Variants in TMTC1 observed in about 807,000 individuals in gnomAD.
TMTC1 encodes the protein protein O-mannosyl-transferase TMTC1.
TMTC1 carries 73 observed loss-of-function variants against 104.8 expected under a neutral mutation model. The ratio of observed to expected loss-of-function variants is 0.70; its 90% CI spans 0.58 to 0.85. TMTC1 has a LOEUF of 0.85. TMTC1 is among the 40% of genes least tolerant of loss of function. TMTC1 has a pLI of 0.00. For synonymous variants in TMTC1, 434 were observed against 428.7 expected (o/e 1.01, Z -0.15); for missense variants, 1,035 against 1,096.1 (o/e 0.94, Z 0.79).
At chr12:29,776,715 G>A (rs1300276111) in intron 1 of TMTC1, among the ~76,000 whole-genome samples, 1 of 109,112 alleles carries the variant, frequency 9.2e-6, no homozygotes, top group Non-Finnish European at 2.0e-5. Context: ...GCAGGGTAAG[G>A]AAATAAGGGT....
In TMTC1 at chr12:29,648,889, G is replaced by T. The variant is rs184082431; in HGVS notation, c.939-15553C>A. Among the ~76,000 whole-genome samples, 88 of 151,638 alleles carry T rather than the reference G, an allele frequency of 5.8e-4. 1 individual carries two copies. Among genetic ancestry groups the T allele is most frequent in the African/African-American group, 1.8e-3 (76 of 41,326 alleles). On this transcript the variant is annotated intron_variant, in intron 5 of 17. Coordinates refer to ENST00000539277, the MANE Select transcript of TMTC1 (RefSeq NM_001193451.2). ...TTTTCTTACTAAGTCTTCTAAATGC[G>T]GTGTGCCTTTACACTTCCAGCACAT...
chr12:29,518,534 C>T lies in TMTC1; in HGVS notation c.1962G>A (p.Val654=). The change falls in exon 13 of 18, where the codon GTG becomes GTA. Residue 654 remains valine (V), a synonymous_variant. Coordinates refer to ENST00000539277, the MANE Select transcript of TMTC1 (RefSeq NM_001193451.2). ...GTGACCTGTAGAGTCTTCCCAAGTTCACCATGGCCACGTGATGACTGGGGC... is the reference window on the plus strand; with the variant it reads ...GTGACCTGTAGAGTCTTCCCAAGTTTACCATGGCCACGTGATGACTGGGGC... ...KLSPSHHVAM[V]NLGRLYRSLG... The T allele has an allele frequency of 1.9e-6, 3 of 1,614,142 alleles. No homozygotes were observed. Among genetic ancestry groups the T allele is most frequent in the Non-Finnish European group, 1.7e-6 (2 of 1,179,986 alleles).
intron 7 of TMTC1, among the ~76,000 whole-genome samples, chr12:29,600,562 T>G (rs558751961): frequency 1.7e-4 from 26 of 152,324 alleles, no homozygotes; most frequent in Admixed American, 3.9e-4. Context: ...CAATAATGAC[T>G]GTGAAGAAAG....
chr12:29,762,093 T>G (rs1943364627), intron 2 of TMTC1, among the ~76,000 whole-genome samples: 1 of 152,082 alleles, frequency 6.6e-6, no homozygotes, highest in South Asian at 2.1e-4. Flanking sequence ...GTGAGTGGAT[T>G]GCTTGAGCCC....
chr12:29,667,431 C>A (rs2033027), intron 5 of TMTC1, among the ~76,000 whole-genome samples: 84,394 of 152,028 alleles, frequency 0.56, 23,637 homozygotes, highest in African/African-American at 0.63. Flanking sequence ...CAAGTTACTT[C>A]CAAGGAAACA....
intron 5 of TMTC1, among the ~76,000 whole-genome samples, chr12:29,639,632 C>T (rs536617695): frequency 6.6e-6 from 1 of 152,260 alleles, no homozygotes; most frequent in South Asian, 2.1e-4. Context: ...TAAGCAATTC[C>T]ACCCAACAGC....
In TMTC1 at chr12:29,501,288, T is replaced by G. The variant is rs906538048; in HGVS notation, c.*5558A>C. The G allele has an allele frequency of 6.6e-6, 1 of 152,216 alleles. No homozygotes were observed. Among genetic ancestry groups the G allele is most frequent in the Non-Finnish European group, 1.5e-5 (1 of 68,030 alleles). 9.4% of individuals were successfully genotyped at this position (152,216 alleles called of 1,614,324 possible). A position where few individuals can be genotyped will look rare whatever the true frequency, so the allele number is the denominator to read the frequency against. The stretch of plus-strand genomic sequence containing the variant: ...AAGCACTTGGGCAATTCAGTCACTT[T>G]TAGGGTTGTATCATTTAAAAAAGGG... On this transcript the variant is annotated 3_prime_UTR_variant, in exon 18 of 18. Transcript: ENST00000539277.
At chr12:29,508,699 G>A (rs944972457) in intron 17 of TMTC1, among the ~76,000 whole-genome samples, 5 of 151,876 alleles carry the variant, frequency 3.3e-5, no homozygotes, top group South Asian at 4.2e-4. Flanking sequence ...TCAGCCTCCC[G>A]AGTAGCTGGG....
At chr12:29,765,421 T>C (rs1339485379) in intron 2 of TMTC1, among the ~76,000 whole-genome samples, 2 of 152,098 alleles carry the variant, frequency 1.3e-5, no homozygotes, top group Non-Finnish European at 2.9e-5. Context: ...CTTCATACCC[T>C]TTCTCCTTGA....
chr12:29,660,263 C>T (rs1004863237), intron 5 of TMTC1, among the ~76,000 whole-genome samples: 2 of 152,184 alleles, frequency 1.3e-5, no homozygotes, highest in Non-Finnish European at 2.9e-5. Context: ...GGAAAAAGAA[C>T]TAACAGGGAG....
Position 29,765,676 on chromosome 12 carries a change from TA to T in TMTC1, c.480+2221del, listed in dbSNP as rs567673281. Among the ~76,000 whole-genome samples the T allele has an allele frequency of 2.6e-5, 4 of 152,148 alleles. No individual in the cohort carries two copies. The South Asian group carries it at 8.3e-4, about 32-fold the overall frequency. On this transcript the variant is annotated intron_variant, in intron 2 of 17. Transcript: ENST00000539277. ...GAAAATGATAAATAATTAATAAATA[TA>T]AAAAATCACCTCTTAATAATCTAGG...
intron 5 of TMTC1, among the ~76,000 whole-genome samples, chr12:29,723,226 A>G (rs557347444): frequency 2.8e-4 from 43 of 152,262 alleles, no homozygotes; most frequent in African/African-American, 9.6e-4. Flanking sequence ...ATTAATGTCA[A>G]TTCTCCCAAC....
At chr12:29,647,431 A>G (rs573725565) in intron 5 of TMTC1, among the ~76,000 whole-genome samples, 1 of 152,288 alleles carries the variant, frequency 6.6e-6, no homozygotes, top group Non-Finnish European at 1.5e-5. Flanking sequence ...CACACAATAT[A>G]TTATTTTACA....
chr12:29,698,941 T>G (rs1403015091), intron 5 of TMTC1, among the ~76,000 whole-genome samples: 1 of 152,246 alleles, frequency 6.6e-6, no homozygotes, highest in African/African-American at 2.4e-5. Flanking sequence ...TTCAGGAAAC[T>G]CCTGCTGCTT....
At chr12:29,664,745 C>CTAAAGG (rs1940209389) in intron 5 of TMTC1, among the ~76,000 whole-genome samples, 1 of 152,166 alleles carries the variant, frequency 6.6e-6, no homozygotes, top group African/African-American at 2.4e-5. Flanking sequence ...ACTATGACAT[C>CTAAAGG]AGATTCTCTC....
In TMTC1 at chr12:29,783,598, C is replaced by G. The variant is rs1943888705; in HGVS notation, c.154G>C (p.Asp52His). 6.8e-7 allele frequency: 1 copy of G among 1,477,686 alleles called. No homozygotes were observed. The highest frequency in any genetic ancestry group is 8.9e-7 in the Non-Finnish European group (1 of 1,118,122). The allele number at this position is 1,477,686 out of a possible 1,614,324, so 91.5% of individuals were successfully genotyped here. The change falls in exon 1 of 18, where the codon GAC (aspartate) becomes CAC (histidine). Residue 52 changes from aspartate to histidine, a missense_variant. Asp to His is a moderately conservative substitution (Grantham distance 81). Transcript: ENST00000539277. This position sits in a 1 kb window ranked among gnomAD's most constrained non-coding sequence, Gnocchi z 4.7. The stretch of plus-strand genomic sequence containing the variant: ...TTGTTCACGATCGCCCACACGTCGT[C>G]GTGCACGAACTCGCCCTGCAGGGAG... ...GRSLQGEFVH[D>H]DVWAIVNNPD...
At chr12:29,634,007 C>A (rs1475576245) in intron 5 of TMTC1, among the ~76,000 whole-genome samples, 1 of 152,196 alleles carries the variant, frequency 6.6e-6, no homozygotes, top group Non-Finnish European at 1.5e-5. Context: ...AAGCAGTGTT[C>A]TAGACCCTTG....
chr12:29,521,428 T>C (rs1944154691), intron 11 of TMTC1, among the ~76,000 whole-genome samples: 1 of 152,172 alleles, frequency 6.6e-6, no homozygotes, highest in Admixed American at 6.5e-5. Context: ...TGTGGCAAGG[T>C]TCAGGTCGAT....
chr12:29,513,394 T>C (rs1943895217), intron 16 of TMTC1, among the ~76,000 whole-genome samples: 1 of 152,162 alleles, frequency 6.6e-6, no homozygotes, highest in Non-Finnish European at 1.5e-5. Flanking sequence ...ACATTCGTTA[T>C]AAATAACTTA....
Sources: gnomAD v4.1 joint callset for allele counts (sites outside exome capture counted in the v4.1 genomes callset) on GRCh38, gnomAD v4.1.1 for gene constraint, Gnocchi (gnomAD v3.1) non-coding constraint, MANE v1.5 for transcripts, NCBI Gene and HGNC (gene_info 2026-07-23, HGNC 2026-07-21) for gene names.